The following PLXNB1 variants were observed in gnomAD, a reference collection of about 807,000 sequenced individuals.
PLXNB1 encodes plexin-B1.
A neutral mutation model predicts 209.4 loss-of-function variants in PLXNB1; 106 were observed. The ratio of observed to expected loss-of-function variants is 0.51; its 90% CI spans 0.43 to 0.59. PLXNB1 has a LOEUF of 0.59. PLXNB1 is among the 20% of genes least tolerant of loss of function. The pLI, the probability that PLXNB1 is intolerant of heterozygous loss-of-function variation, is 0.00. For synonymous variants in PLXNB1, 1,167 were observed against 1,183.2 expected (o/e 0.99, Z 0.28); for missense variants, 2,357 against 2,853.2 (o/e 0.83, Z 3.96).
In PLXNB1 at chr3:48,416,411, C is replaced by T. The variant is rs770203210; in HGVS notation, c.3415G>A (p.Gly1139Ser). The change falls in exon 17 of 38, where the codon GGC (glycine) becomes AGC (serine). Residue 1139 changes from glycine (G) to serine (S), a missense_variant. Gly to Ser is a moderately conservative substitution (Grantham distance 56). Coordinates refer to ENST00000296440, the MANE Select transcript of PLXNB1 (RefSeq NM_001130082.3). The surrounding 1 kb of genome is among the most constrained non-coding windows in gnomAD (Gnocchi z 4.1). The part of the protein sequence containing the change: ...ITGASGEEVA[G>S]ATAVEVPGRG... ...CCCGGCACCTCCACCGCTGTGGCGC[C>T]GGCCACCTCCTCCCCACTGGCCCCG... 3.1e-6 allele frequency: 5 copies of T among 1,613,176 alleles called. No homozygotes were observed. Among genetic ancestry groups the T allele is most frequent in the Non-Finnish European group, 4.2e-6 (5 of 1,179,892 alleles).
In PLXNB1 at chr3:48,419,078, G is replaced by A; in HGVS notation, c.2833-39C>T. On this transcript the variant is annotated intron_variant, in intron 12 of 37. Transcript: ENST00000296440. The surrounding 1 kb of genome is among the most constrained non-coding windows in gnomAD (Gnocchi z 5.7). ...ACACAGCTGTTGGGCAGCTTCAGGA[G>A]CTGGGCCCAGGGAGTCCTGCAGGTC... 6.2e-7 allele frequency: 1 copy of A among 1,608,960 alleles called. No homozygotes were observed. Among genetic ancestry groups the A allele is most frequent in the Non-Finnish European group, 8.5e-7 (1 of 1,176,054 alleles).
In PLXNB1 at chr3:48,424,489, G is replaced by A. The variant is rs759869212; in HGVS notation, c.123C>T (p.Asp41=). The change falls in exon 3 of 38, where the codon GAC becomes GAT. Residue 41 remains aspartate (D), a synonymous_variant. Transcript: ENST00000296440. ...CCAGGTAGAGGGTGCCTGAGGTGGG[G>A]TCCCTTGCCAGGTGCTGCAGATACG... ...NGTYLQHLAR[D]PTSGTLYLGA... 8.7e-6 allele frequency: 14 copies of A among 1,603,518 alleles called. No individual in the cohort carries two copies. Among genetic ancestry groups the A allele is most frequent in the Non-Finnish European group, 1.2e-5 (14 of 1,175,028 alleles).
At chr3:48,427,236 G>C (rs1000436420) in intron 1 of PLXNB1, among the ~76,000 whole-genome samples, 8 of 152,108 alleles carry the variant, frequency 5.3e-5, no homozygotes, top group African/African-American at 1.9e-4. Flanking sequence ...GAAGAAATGG[G>C]CGGGATCAGA....
Position 48,416,350 on chromosome 3 carries a change from T to G in PLXNB1, c.3476A>C (p.Tyr1159Ser). The change falls in exon 17 of 38, where the codon TAC becomes TCC. Residue 1159 changes from tyrosine to serine, a missense_variant. Transcript: ENST00000296440. This position sits in a 1 kb window ranked among gnomAD's most constrained non-coding sequence, Gnocchi z 4.1. ...GRGVSEHDFAYQDPKVHSIFP... is the reference protein window; with the variant it reads ...GRGVSEHDFASQDPKVHSIFP... ...GGTGGCTCAGCAGTCAGGTACCTGG[T>G]AGGCAAAGTCGTGTTCTGAGACACC... The G allele has an allele frequency of 6.2e-7, 1 of 1,610,266 alleles. No individual in the cohort carries two copies. Among genetic ancestry groups the G allele is most frequent in the Non-Finnish European group, 8.5e-7 (1 of 1,177,848 alleles).
Position 48,422,764 on chromosome 3 carries a change from C to T in PLXNB1, c.1290+1G>A. On this transcript the variant is annotated splice_donor_variant, in intron 4 of 37. Coordinates refer to ENST00000296440, the MANE Select transcript of PLXNB1 (RefSeq NM_001130082.3). LOFTEE classifies it high-confidence loss of function. ...GGGGCCAGTACTTCCTGTGGGCTCACCCTGTGCAGCTGCCCTTGACTATCA... is the reference window on the plus strand; with the variant it reads ...GGGGCCAGTACTTCCTGTGGGCTCATCCTGTGCAGCTGCCCTTGACTATCA... The T allele has an allele frequency of 6.2e-7, 1 of 1,613,264 alleles. No homozygotes were observed. The highest frequency in any genetic ancestry group is 8.5e-7 in the Non-Finnish European group (1 of 1,179,512).
intron 10 of PLXNB1, 70 bp from the exon 11 acceptor site, chr3:48,420,327 G>C: frequency 1.2e-6 from 1 of 855,996 alleles, no homozygotes. Flanking sequence ...AGGCAGGCAG[G>C]CACAGTGTAT....
chr3:48,415,043 T>C lies in PLXNB1; in HGVS notation c.3967-2A>G, dbSNP rs778178015. The C allele has an allele frequency of 6.2e-7, 1 of 1,611,962 alleles. No individual in the cohort carries two copies. Among genetic ancestry groups the C allele is most frequent in the Admixed American group, 1.7e-5 (1 of 60,010 alleles). ...GTTGACATGGCACGGCTCCTCAAAC[T>C]GGAAGGAAGACAGGCAGGTTGACGA... On this transcript the variant is annotated splice_acceptor_variant, in intron 20 of 37. Coordinates refer to ENST00000296440, the MANE Select transcript of PLXNB1 (RefSeq NM_001130082.3). LOFTEE classifies it high-confidence loss of function. The surrounding 1 kb of genome is among the most constrained non-coding windows in gnomAD (Gnocchi z 5.0).
chr3:48,410,256 C>T lies in PLXNB1; in HGVS notation c.5605+40G>A, dbSNP rs1042728137. 2 of 1,541,972 alleles carry T rather than the reference C, an allele frequency of 1.3e-6. No individual in the cohort carries two copies. The highest frequency in any genetic ancestry group is 1.8e-6 in the Non-Finnish European group (2 of 1,129,182). ...ACCTTCCCCATGACTCCGGGCTGGG[C>T]ACAGCAGGGGCAGAGGACCGTGATG... On this transcript the variant is annotated intron_variant, in intron 31 of 37. Transcript: ENST00000296440. This position sits in a 1 kb window ranked among gnomAD's most constrained non-coding sequence, Gnocchi z 6.4.
rs1197409876 is a variant in PLXNB1 at position 48,410,218 on chromosome 3, T to TGAGGCCCA, written c.5605+70_5605+77dup. On this transcript the variant is annotated intron_variant, in intron 31 of 37. Transcript: ENST00000296440. This position sits in a 1 kb window ranked among gnomAD's most constrained non-coding sequence, Gnocchi z 6.4. ...AATGGAAATAGGCACAAGCCTGCCC[T>TGAGGCCCA]GAGGCCCAGAGGACCTTCCCCATGA... 6.8e-7 allele frequency: 1 copy of TGAGGCCCA among 1,463,320 alleles called. No homozygotes were observed. The highest frequency in any genetic ancestry group is 9.3e-7 in the Non-Finnish European group (1 of 1,073,854). The allele number at this position is 1,463,320 out of a possible 1,614,324, so 90.6% of individuals were successfully genotyped here.
intron 3 of PLXNB1, 85 bp from the exon 4 acceptor site, chr3:48,423,032 C>G: frequency 8.2e-7 from 1 of 1,217,456 alleles, no homozygotes; most frequent in Admixed American, 2.1e-5. Context: ...ATTCCCTCCC[C>G]CAGCCGCTCT....
rs757439894 is a variant in PLXNB1, at chr3:48,416,389, G to A, written c.3437C>T (p.Pro1146Leu). The change falls in exon 17 of 38, where the codon CCG becomes CTG. Residue 1146 changes from proline (P) to leucine (L), a missense_variant. Physicochemically the swap from Pro to Leu is moderately conservative, Grantham distance 98. Coordinates refer to ENST00000296440, the MANE Select transcript of PLXNB1 (RefSeq NM_001130082.3). This position sits in a 1 kb window ranked among gnomAD's most constrained non-coding sequence, Gnocchi z 4.1. ...EVAGATAVEV[P>L]GRGRGVSEHD... Reference sequence around the variant, plus strand: ...TTCTGAGACACCACGTCCTCTTCCCGGCACCTCCACCGCTGTGGCGCCGGC... The same window carrying A: ...TTCTGAGACACCACGTCCTCTTCCCAGCACCTCCACCGCTGTGGCGCCGGC... The A allele has an allele frequency of 1.1e-5, 18 of 1,613,124 alleles. No individual in the cohort carries two copies. Among genetic ancestry groups the A allele is most frequent in the African/African-American group, 5.3e-5 (4 of 75,040 alleles).
chr3:48,412,585 T>A lies in PLXNB1; in HGVS notation c.4890A>T (p.Ser1630=). The A allele has an allele frequency of 6.2e-7, 1 of 1,613,392 alleles. No individual in the cohort carries two copies. The change falls in exon 26 of 38, where the codon TCA becomes TCT. Residue 1630 remains serine (S), a synonymous_variant. Transcript: ENST00000296440. ...IHTLESQRTF[S]ARDRAYVASL... ...ATGCCACGTAGGCACGGTCCCGAGC[T>A]GAAAAGGTGCGCTGGCTCTCCAGCG... is the stretch of plus-strand genomic sequence containing the variant.
Position 48,406,716 on chromosome 3 carries a change from G to T in PLXNB1, c.6228+107C>A. 6.8e-7 allele frequency: 1 copy of T among 1,469,230 alleles called. No individual in the cohort carries two copies. Among genetic ancestry groups the T allele is most frequent in the African/African-American group, 1.4e-5 (1 of 70,942 alleles). 91.0% of individuals were successfully genotyped at this position (1,469,230 alleles called of 1,614,324 possible). Reference sequence around the variant, plus strand: ...TTTCCTGCCCCAACCAGCTCACAGGGCTGCTGAGGTTCCCAAGGGCTTCCC... The same window carrying T: ...TTTCCTGCCCCAACCAGCTCACAGGTCTGCTGAGGTTCCCAAGGGCTTCCC... On this transcript the variant is annotated intron_variant, in intron 36 of 37. Transcript: ENST00000296440. The surrounding 1 kb of genome is among the most constrained non-coding windows in gnomAD (Gnocchi z 4.4).
rs758807556 is a variant in PLXNB1, at chr3:48,419,713, C to T, written c.2573G>A (p.Gly858Asp). ...ELPEADEWTG[G>D]DAPAFSTSTL... ...GGAAGTGGAGAAGGCGGGTGCGTCA[C>T]CCCCCGTCCACTCGTCCGCCTCGGG... The change falls in exon 11 of 38, where the codon GGT becomes GAT. Residue 858 changes from glycine to aspartate, a missense_variant. Gly to Asp is a moderately conservative substitution (Grantham distance 94). Around this residue, in one of 7 missense-constraint regions of PLXNB1, gnomAD observed 410 missense variants for 401.0 expected, o/e 1.02. Coordinates refer to ENST00000296440, the MANE Select transcript of PLXNB1 (RefSeq NM_001130082.3). This position sits in a 1 kb window ranked among gnomAD's most constrained non-coding sequence, Gnocchi z 5.7. The T allele has an allele frequency of 1.5e-5, 24 of 1,611,620 alleles. No individual in the cohort carries two copies. Among genetic ancestry groups the T allele is most frequent in the Non-Finnish European group, 1.8e-5 (21 of 1,179,692 alleles).
Position 48,409,472 on chromosome 3 carries a change from G to A in PLXNB1, c.5944C>T (p.Pro1982Ser), listed in dbSNP as rs1449535118. ...TIHIWKTNSL[P>S]LRFWINIIKN... is the part of the protein sequence containing the mutation. ...ATTATATTGATCCAGAACCTCAGAG[G>A]CAAGCTGCGGGTGGGGCAGGCATGG... Residue 1982 changes from proline (P) to serine (S), a missense_variant, in exon 34 of 38, where the codon CCT (proline) becomes TCT (serine). Around this residue, in one of 7 missense-constraint regions of PLXNB1, gnomAD observed 414 missense variants for 520.5 expected, o/e 0.80. Transcript: ENST00000296440. This position sits in a 1 kb window ranked among gnomAD's most constrained non-coding sequence, Gnocchi z 5.8. The A allele has an allele frequency of 3.1e-6, 5 of 1,614,180 alleles. No homozygotes were observed. The highest frequency in any genetic ancestry group is 4.2e-6 in the Non-Finnish European group (5 of 1,180,032).
intron 24 of PLXNB1, 40 bp from the exon 25 acceptor site, chr3:48,412,999 A>G: frequency 6.2e-7 from 1 of 1,607,884 alleles, no homozygotes; most frequent in Non-Finnish European, 8.5e-7. Context: ...CCTGTTAAGC[A>G]CCAATCCCGT....
chr3:48,408,837 C>T (rs1352131450), intron 34 of PLXNB1, among the ~76,000 whole-genome samples: 1 of 152,174 alleles, frequency 6.6e-6, no homozygotes, highest in Non-Finnish European at 1.5e-5. Flanking sequence ...CACATCCAAC[C>T]TTCAGCTTTT....
At position 48,415,888 on chromosome 3, in the gene PLXNB1, C is replaced by G; in HGVS notation, c.3618-129G>C. On this transcript the variant is annotated intron_variant, in intron 18 of 37. Coordinates refer to ENST00000296440, the MANE Select transcript of PLXNB1 (RefSeq NM_001130082.3). This position sits in a 1 kb window ranked among gnomAD's most constrained non-coding sequence, Gnocchi z 5.0. ...GGTGTCCCTGGAGGTGCACTCCCAC[C>G]ACAGCTGGCTAGGGAGGGTCTGGCC... 2 of 1,342,774 alleles carry G rather than the reference C, an allele frequency of 1.5e-6. No homozygotes were observed. The highest frequency in any genetic ancestry group is 2.2e-5 in the Admixed American group (1 of 46,196). 83.2% of individuals were successfully genotyped at this position (1,342,774 alleles called of 1,614,324 possible). A position where few individuals can be genotyped will look rare whatever the true frequency, so the allele number is the denominator to read the frequency against.
chr3:48,422,514 G>A, intron 4 of PLXNB1, 55 bp from the exon 5 acceptor site: 2 of 1,505,158 alleles, frequency 1.3e-6, no homozygotes, highest in Non-Finnish European at 8.9e-7. Context: ...GAGGCCCAAA[G>A]CCCTCCCCTC....
Sources: gnomAD v4.1 joint callset for allele counts (sites outside exome capture counted in the v4.1 genomes callset) on GRCh38, gnomAD v4.1.1 for gene constraint, gnomAD v4.1.1 regional missense constraint, Gnocchi (gnomAD v3.1) non-coding constraint, MANE v1.5 for transcripts, NCBI Gene and HGNC (gene_info 2026-07-23, HGNC 2026-07-21) for gene names.